ROBO2: variants seen among roughly 807,000 people sequenced by gnomAD.
ROBO2 encodes roundabout guidance receptor 2, also known as roundabout homolog 2.
In ROBO2, 53 loss-of-function variants were observed where a neutral mutation model predicts 160.8. The observed-to-expected ratio is 0.33, with a 90% CI of 0.26 to 0.41. ROBO2 has a LOEUF of 0.41. Among genes scored for constraint, ROBO2 ranks in the 10% least tolerant of loss-of-function variants. The pLI, the probability that ROBO2 is intolerant of heterozygous loss-of-function variation, is 1.00. For missense variants in ROBO2, 1,577 were observed against 1,722.4 expected (o/e 0.92, Z 1.49); for synonymous variants, 664 against 611.7 (o/e 1.09, Z -1.26).
At chr3:76,151,127 TA>T (rs2072181061) in intron 2 of ROBO2, among the ~76,000 whole-genome samples, 1 of 152,144 alleles carries the variant, frequency 6.6e-6, no homozygotes, top group African/African-American at 2.4e-5. Flanking sequence ...GTGACCTTAT[TA>T]TAAAATTAAT....
chr3:76,325,653 A>G (rs2072951718), intron 2 of ROBO2, among the ~76,000 whole-genome samples: 1 of 152,094 alleles, frequency 6.6e-6, no homozygotes, highest in Admixed American at 6.6e-5. Context: ...TTCTCCCTTG[A>G]TTTTTTATTA....
chr3:77,143,806 A>AT lies in ROBO2; in HGVS notation c.388+45475dup, dbSNP rs973794385. On this transcript the variant is annotated intron_variant, in intron 2 of 25. Coordinates refer to ENST00000461745, the Ensembl canonical transcript of ROBO2. ...CTCTGACATCCATCATTTCTTGCCC[A>AT]TTTTTTTTTCATATTTTTTAGTATT... 5.0e-4 allele frequency among the ~76,000 whole-genome samples: 73 copies of AT among 145,738 alleles called. 1 individual carries two copies. Among genetic ancestry groups the AT allele is most frequent in the South Asian group, 1.5e-3 (7 of 4,524 alleles).
At chr3:77,006,611 A>C (rs1280129404) in intron 2 of ROBO2, among the ~76,000 whole-genome samples, 4 of 152,072 alleles carry the variant, frequency 2.6e-5, no homozygotes, top group Admixed American at 6.6e-5. Flanking sequence ...GATGTCTAGG[A>C]ATATACTTTG....
intron 2 of ROBO2, among the ~76,000 whole-genome samples, chr3:76,874,889 A>G (rs1345198720): frequency 6.6e-6 from 1 of 152,172 alleles, no homozygotes; most frequent in Non-Finnish European, 1.5e-5. Flanking sequence ...GTGGGAACAC[A>G]TGGTTGAGAT....
chr3:76,096,990 A>G (rs777087613), intron 2 of ROBO2, among the ~76,000 whole-genome samples: 2 of 152,144 alleles, frequency 1.3e-5, no homozygotes, highest in Non-Finnish European at 2.9e-5. Context: ...CTAACTCTCT[A>G]GTTCTGTTCT....
intron 2 of ROBO2, among the ~76,000 whole-genome samples, chr3:76,208,126 GC>G (rs1702920953): frequency 6.6e-6 from 1 of 152,084 alleles, no homozygotes; most frequent in Non-Finnish European, 1.5e-5. Context: ...CCGAGCAGAT[GC>G]CAGATCATGT....
At chr3:77,042,198 C>G (rs534940194) in intron 1 of ROBO2, among the ~76,000 whole-genome samples, 2 of 152,286 alleles carry the variant, frequency 1.3e-5, no homozygotes, top group South Asian at 4.1e-4. Flanking sequence ...CTCTCTTTTA[C>G]CAGTCTAAGC....
intron 2 of ROBO2, among the ~76,000 whole-genome samples, chr3:76,910,915 T>A (rs1239274337): frequency 6.6e-6 from 1 of 152,042 alleles, no homozygotes; most frequent in African/African-American, 2.4e-5. Context: ...AGTCCTTTTT[T>A]TGCTTCATTC....
At position 77,632,773 on chromosome 3, in the gene ROBO2, G is replaced by T. The variant is rs1170196273; in HGVS notation, c.3761-2097G>T. On this transcript the variant is annotated intron_variant, in intron 23 of 25. Coordinates refer to ENST00000461745, the Ensembl canonical transcript of ROBO2. ...CTGACTGTAGGGCTTTCTTTAATACGCATGAATACAGTTTGGATGCTCCAT... is the reference window on the plus strand; with the variant it reads ...CTGACTGTAGGGCTTTCTTTAATACTCATGAATACAGTTTGGATGCTCCAT... 6 of 893,618 alleles carry T rather than the reference G, an allele frequency of 6.7e-6. No individual in the cohort carries two copies. In the African/African-American group the frequency reaches 8.4e-5, roughly 13 times the overall value. 55.4% of individuals were successfully genotyped at this position (893,618 alleles called of 1,614,324 possible). A position where few individuals can be genotyped will look rare whatever the true frequency, so the allele number is the denominator to read the frequency against.
At chr3:77,455,961 T>A (rs1182861276) in intron 2 of ROBO2, among the ~76,000 whole-genome samples, 1 of 152,148 alleles carries the variant, frequency 6.6e-6, no homozygotes, top group Non-Finnish European at 1.5e-5. Context: ...AATGCAAATG[T>A]TTATTTCCCT....
chr3:77,319,615 GAA>G (rs888323055), intron 2 of ROBO2, among the ~76,000 whole-genome samples: 1 of 152,116 alleles, frequency 6.6e-6, no homozygotes, highest in Admixed American at 6.6e-5. Flanking sequence ...AAGAGGAAAG[GAA>G]AATAACAAAG....
At chr3:76,810,212 C>G (rs1204790879) in intron 2 of ROBO2, among the ~76,000 whole-genome samples, 1 of 152,000 alleles carries the variant, frequency 6.6e-6, no homozygotes, top group Non-Finnish European at 1.5e-5. Context: ...GAGAAATGTA[C>G]AAATTCCTGC....
chr3:76,065,724 A>G (rs1468417510), intron 2 of ROBO2, among the ~76,000 whole-genome samples: 1 of 62,918 alleles, frequency 1.6e-5, no homozygotes, highest in East Asian at 3.5e-4. Context: ...AAATATATGC[A>G]TATTTAAACT....
chr3:77,194,817 T>C (rs2082169180), intron 2 of ROBO2, among the ~76,000 whole-genome samples: 1 of 152,170 alleles, frequency 6.6e-6, no homozygotes, highest in African/African-American at 2.4e-5. Context: ...AATATGGCAT[T>C]GGATGAAGGA....
At chr3:77,260,288 A>G (rs2058692929) in intron 2 of ROBO2, among the ~76,000 whole-genome samples, 1 of 152,310 alleles carries the variant, frequency 6.6e-6, no homozygotes, top group South Asian at 2.1e-4. Context: ...GAAATAGAAG[A>G]TATACATTAT....
At chr3:76,458,253 T>G (rs1045031536) in intron 2 of ROBO2, among the ~76,000 whole-genome samples, 3 of 152,098 alleles carry the variant, frequency 2.0e-5, no homozygotes, top group African/African-American at 4.8e-5. Flanking sequence ...TGCTTAGAAA[T>G]TTCTTCCTCC....
rs572400265 is a variant in ROBO2 at position 76,936,062 on chromosome 3, A to C, written c.110-161952A>C. Among the ~76,000 whole-genome samples, 29 of 152,314 alleles carry C rather than the reference A, an allele frequency of 1.9e-4. No homozygotes were observed. In the South Asian group the frequency reaches 6.0e-3, roughly 32 times the overall value. ...ATTCTCTCATGAAGAGACTGGGGTA[A>C]TGCATTATTAGCAAGAATACCACAA... On this transcript the variant is annotated intron_variant, in intron 2 of 26. Transcript: ENST00000487694.
chr3:75,918,417 T>C (rs1372299325), intron 1 of ROBO2, among the ~76,000 whole-genome samples: 3 of 152,228 alleles, frequency 2.0e-5, no homozygotes, highest in Non-Finnish European at 4.4e-5. Context: ...ATTAGCACCA[T>C]GCTGTTTTGG....
intron 2 of ROBO2, among the ~76,000 whole-genome samples, chr3:76,287,596 G>A (rs904082390): frequency 6.6e-6 from 1 of 152,238 alleles, no homozygotes; most frequent in South Asian, 2.1e-4. Context: ...CGCCGTGCCC[G>A]GCCCTTTTCT....
Sources: gnomAD v4.1 joint callset for allele counts (sites outside exome capture counted in the v4.1 genomes callset) on GRCh38, gnomAD v4.1.1 for gene constraint, MANE v1.5 for transcripts, NCBI Gene and HGNC (gene_info 2026-07-23, HGNC 2026-07-21) for gene names.